Variants in BORA observed in about 807,000 individuals in gnomAD.
BORA encodes the protein BORA aurora kinase A activator.
BORA carries 26 observed loss-of-function variants against 55.8 expected under a neutral mutation model. The ratio of observed to expected loss-of-function variants is 0.47; its 90% CI spans 0.34 to 0.65. The LOEUF (loss-of-function observed/expected upper bound fraction) is 0.65, where lower values mean the gene tolerates loss of function less well. BORA is among the 30% of genes least tolerant of loss of function. The pLI is 0.01. For missense variants in BORA, 568 were observed against 671.5 expected, an observed-to-expected ratio of 0.85 and a Z score of 1.70; for synonymous variants, 201 against 216.9, an observed-to-expected ratio of 0.93 and a Z score of 0.64.
At chr13:72,751,113 C>A (rs2138104500) in intron 10 of BORA, among the ~76,000 whole-genome samples, 1 of 152,234 alleles carries the variant, frequency 6.6e-6, no homozygotes, top group Admixed American at 6.5e-5. Flanking sequence ...AGGATATTAG[C>A]ATGATCATTG....
At position 72,728,251 on chromosome 13, in the gene BORA, C is replaced by T. The variant is rs560974768; in HGVS notation, c.-16+244C>T. On this transcript the variant is annotated intron_variant, in intron 1 of 11. Coordinates refer to ENST00000390667, the MANE Select transcript of BORA (RefSeq NM_024808.5). ...CAGAAGTAGACTCTTTTCCACCCCA[C>T]CCCGCCAAGGTGTAGCCTCTGTAGC... The T allele has an allele frequency of 3.7e-4, 263 of 705,102 alleles. 2 individuals carry two copies. The highest frequency in any genetic ancestry group is 2.1e-4 in the Non-Finnish European group (80 of 387,940). 43.7% of individuals were successfully genotyped at this position (705,102 alleles called of 1,614,324 possible). A position where few individuals can be genotyped will look rare whatever the true frequency, so the allele number is the denominator to read the frequency against.
intron 5 of BORA, among the ~76,000 whole-genome samples, chr13:72,740,704 C>T (rs780043493): frequency 6.6e-6 from 1 of 152,078 alleles, no homozygotes; most frequent in African/African-American, 2.4e-5. Flanking sequence ...CAAAAGTAGC[C>T]GCTGACAATA....
rs760538197 is a variant in BORA at position 72,755,269 on chromosome 13, T to C, written c.*53T>C. The C allele has an allele frequency of 6.2e-6, 9 of 1,450,218 alleles. No homozygotes were observed. The highest frequency in any genetic ancestry group is 2.3e-5 in the South Asian group (2 of 87,186). 89.8% of individuals were successfully genotyped at this position (1,450,218 alleles called of 1,614,324 possible). A position where few individuals can be genotyped will look rare whatever the true frequency, so the allele number is the denominator to read the frequency against. ...GCTTAAGAGTTCCTCGCATATATCG[T>C]TGTGCACAGGATCAACATGATGGTG... is the stretch of plus-strand genomic sequence containing the variant. On this transcript the variant is annotated 3_prime_UTR_variant, in exon 12 of 12. Transcript: ENST00000390667.
At chr13:72,740,589 GC>G (rs1303614919) in intron 5 of BORA, among the ~76,000 whole-genome samples, 1 of 152,088 alleles carries the variant, frequency 6.6e-6, no homozygotes, top group Non-Finnish European at 1.5e-5. Context: ...CTACTTTAGG[GC>G]CAAGGTTGGC....
At chr13:72,749,745 A>G (rs980684659) in intron 10 of BORA, among the ~76,000 whole-genome samples, 5 of 152,128 alleles carry the variant, frequency 3.3e-5, no homozygotes, top group East Asian at 1.9e-4. Context: ...TTCTCTTGTT[A>G]CAGGGCCTTT....
chr13:72,737,884 A>T, intron 4 of BORA, 78 bp from the exon 5 acceptor site: 1 of 857,780 alleles, frequency 1.2e-6, no homozygotes, highest in Non-Finnish European at 1.8e-6. Context: ...ATGTTTAATA[A>T]TTACTTGGAA....
Position 72,747,117 on chromosome 13 carries a change from G to T in BORA, c.1482+6G>T. Reference sequence around the variant, plus strand: ...GTGAAAGCAGTAACATTCAGGTAAGGTATTTAATATTCTATAGCCCCTTCC... The same window carrying T: ...GTGAAAGCAGTAACATTCAGGTAAGTTATTTAATATTCTATAGCCCCTTCC... On this transcript the variant is annotated splice_donor_region_variant and intron_variant, in intron 10 of 11. Transcript: ENST00000390667. The T allele has an allele frequency of 6.2e-7, 1 of 1,611,690 alleles. No homozygotes were observed. The highest frequency in any genetic ancestry group is 8.5e-7 in the Non-Finnish European group (1 of 1,179,252).
intron 10 of BORA, among the ~76,000 whole-genome samples, chr13:72,749,986 G>C (rs1282486652): frequency 1.3e-5 from 2 of 152,096 alleles, no homozygotes; most frequent in Non-Finnish European, 2.9e-5. Context: ...AAAAGAACCC[G>C]TCACGTAATA....
At chr13:72,729,208 A>G in intron 2 of BORA, 115 bp downstream of exon 2, 1 of 850,468 alleles carries the variant, frequency 1.2e-6, no homozygotes, top group Non-Finnish European at 1.7e-6. Flanking sequence ...TATGGAGCAT[A>G]TATAGCTGCA....
Position 72,737,179 on chromosome 13 carries a change from A to C in BORA, c.307-783A>C, listed in dbSNP as rs545067535. Among the ~76,000 whole-genome samples the C allele has an allele frequency of 7.9e-5, 12 of 152,322 alleles. No individual in the cohort carries two copies. In the South Asian group the frequency reaches 2.5e-3, roughly 32 times the overall value. On this transcript the variant is annotated intron_variant, in intron 4 of 11. Coordinates refer to ENST00000390667, the MANE Select transcript of BORA (RefSeq NM_024808.5). The stretch of plus-strand genomic sequence containing the variant: ...TACAAATGCTCTATCTCATTTGAAT[A>C]TACTGGCCAGTAGTGTGCTGGTGAA...
chr13:72,746,171 A>G (rs2033136404), intron 9 of BORA, 95 bp downstream of exon 9: 5 of 1,154,934 alleles, frequency 4.3e-6, no homozygotes, highest in Non-Finnish European at 6.2e-6. Flanking sequence ...GATAGAGCTC[A>G]AAATGATCAC....
intron 10 of BORA, chr13:72,752,242 G>A (rs982916060): frequency 6.6e-6 from 1 of 152,146 alleles, no homozygotes; most frequent in Non-Finnish European, 1.5e-5. Flanking sequence ...AATAGAACAT[G>A]ACTTTTTAAT....
At chr13:72,740,546 T>C (rs575745358) in intron 5 of BORA, among the ~76,000 whole-genome samples, 219 of 152,278 alleles carry the variant, frequency 1.4e-3, no homozygotes, top group African/African-American at 5.0e-3. Flanking sequence ...ATAGAGAACA[T>C]TCCCATCATC....
rs144229989 is a variant in BORA at position 72,730,722 on chromosome 13, G to A, written c.154-559G>A. ...TTATTACTCTGTTGTGATTTTTCTCGTATTACGTAATTCCAACCCAGGTGA... is the reference window on the plus strand; with the variant it reads ...TTATTACTCTGTTGTGATTTTTCTCATATTACGTAATTCCAACCCAGGTGA... On this transcript the variant is annotated intron_variant, in intron 2 of 11. Transcript: ENST00000390667. Among the ~76,000 whole-genome samples, 110 of 151,924 alleles carry A rather than the reference G, an allele frequency of 7.2e-4. 1 individual carries two copies. Among genetic ancestry groups the A allele is most frequent in the Admixed American group, 1.8e-3 (27 of 15,242 alleles).
Position 72,728,023 on chromosome 13 carries a change from G to A in BORA, c.-16+16G>A, listed in dbSNP as rs1166486381. On this transcript the variant is annotated intron_variant, in intron 1 of 11. Transcript: ENST00000390667. ...GTACGCACCGGTAGGTACGCTCTTT[G>A]TGGTCCCTGGCCTTTCCTCCTGTCT... 2.0e-6 allele frequency: 3 copies of A among 1,527,100 alleles called. No homozygotes were observed. Among genetic ancestry groups the A allele is most frequent in the Non-Finnish European group, 2.7e-6 (3 of 1,126,448 alleles). 94.6% of individuals were successfully genotyped at this position (1,527,100 alleles called of 1,614,324 possible).
chr13:72,743,339 T>C (rs2033073878), intron 5 of BORA, among the ~76,000 whole-genome samples, 198 bp from the exon 6 acceptor site: 1 of 149,424 alleles, frequency 6.7e-6, no homozygotes, highest in Non-Finnish European at 1.5e-5. Flanking sequence ...GCTGTGGTAA[T>C]CCTTTAGTTT....
In BORA at chr13:72,728,979, A is replaced by G. The variant is rs757059918; in HGVS notation, c.39A>G (p.Pro13=). ...DVKESKMQIT[P]ETPGRIPVLN... ...AGGAATCAAAGATGCAAATAACACC[A>G]GAAACTCCAGGAAGGATCCCTGTTT... is the stretch of plus-strand genomic sequence containing the variant. The change falls in exon 2 of 12, where the codon CCA becomes CCG. Residue 13 remains proline, a synonymous_variant. Coordinates refer to ENST00000390667, the MANE Select transcript of BORA (RefSeq NM_024808.5). The G allele has an allele frequency of 2.5e-6, 4 of 1,608,700 alleles. No homozygotes were observed.
chr13:72,752,294 G>C (rs2033297993), intron 10 of BORA: 1 of 152,146 alleles, frequency 6.6e-6, no homozygotes, highest in Non-Finnish European at 1.5e-5. Flanking sequence ...TGAGATTGAT[G>C]CCTGCCTTGA....
intron 7 of BORA, among the ~76,000 whole-genome samples, 164 bp from the exon 8 acceptor site, chr13:72,744,817 G>T (rs1410142911): frequency 6.6e-6 from 1 of 152,050 alleles, no homozygotes; most frequent in Non-Finnish European, 1.5e-5. Context: ...AAAAACTAAG[G>T]AATAATTTAA....
Sources: allele counts gnomAD v4.1 joint callset (sites outside exome capture counted in the v4.1 genomes callset), GRCh38; gene constraint gnomAD v4.1.1; transcripts MANE v1.5; gene names NCBI Gene and HGNC (gene_info 2026-07-23, HGNC 2026-07-21).